OBI1: variants seen among roughly 807,000 people sequenced by gnomAD.
OBI1 encodes ORC ubiquitin ligase 1, also known as ring finger protein 219.
In OBI1, 59 loss-of-function variants were observed where a neutral mutation model predicts 62.4. That is an observed-to-expected ratio of 0.95 (90% confidence interval 0.77 to 1.17). The LOEUF (loss-of-function observed/expected upper bound fraction) is 1.17, where lower values mean the gene tolerates loss of function less well. Ranked by LOEUF, OBI1 falls within the 50% of genes most tolerant of loss-of-function variation. The pLI is 0.00. For synonymous variants in OBI1, 302 were observed against 292.8 expected (o/e 1.03, Z -0.32); for missense variants, 875 against 830.9 (o/e 1.05, Z -0.65).
intron 5 of OBI1, among the ~76,000 whole-genome samples, chr13:78,626,834 AG>A (rs1354339791): frequency 1.3e-5 from 2 of 152,224 alleles, no homozygotes; most frequent in African/African-American, 4.8e-5. Flanking sequence ...TGGGAGGCCA[AG>A]GCAGGCGGAT....
chr13:78,648,126 A>AT (rs1029735747), intron 1 of OBI1, among the ~76,000 whole-genome samples: 3 of 151,870 alleles, frequency 2.0e-5, no homozygotes, highest in African/African-American at 2.4e-5. Context: ...TGCAGGTTCT[A>AT]TTTTTTTTCT....
At chr13:78,649,018 T>C (rs1013182029) in intron 1 of OBI1, among the ~76,000 whole-genome samples, 1 of 152,130 alleles carries the variant, frequency 6.6e-6, no homozygotes, top group African/African-American at 2.4e-5. Context: ...ACTCAGTAGT[T>C]GGTGTTATCA....
At chr13:78,621,373 T>G (rs925048473) in intron 5 of OBI1, among the ~76,000 whole-genome samples, 8 of 152,222 alleles carry the variant, frequency 5.3e-5, no homozygotes, top group South Asian at 4.1e-4. Flanking sequence ...TCATGATCAG[T>G]GACCCATCAA....
intron 5 of OBI1, among the ~76,000 whole-genome samples, chr13:78,631,861 T>C (rs1321473611): frequency 6.6e-6 from 1 of 152,166 alleles, no homozygotes; most frequent in Admixed American, 6.5e-5. Flanking sequence ...AGACAAATGA[T>C]AACCAACACC....
intron 5 of OBI1, among the ~76,000 whole-genome samples, chr13:78,621,501 G>A (rs1307048611): frequency 1.3e-5 from 2 of 152,262 alleles, no homozygotes; most frequent in South Asian, 2.1e-4. Context: ...TAAAAAACCC[G>A]CATGACATTT....
chr13:78,659,099 C>T lies in OBI1; in HGVS notation c.22G>A (p.Val8Ile). The T allele has an allele frequency of 5.6e-6, 9 of 1,612,512 alleles. No individual in the cohort carries two copies. The highest frequency in any genetic ancestry group is 5.5e-5 in the South Asian group (5 of 90,902). Residue 8 changes from valine to isoleucine, a missense_variant, in exon 1 of 6, where the codon GTT (valine) becomes ATT (isoleucine). Coordinates refer to ENST00000282003, the MANE Select transcript of OBI1 (RefSeq NM_024546.4). MAQTVQNVTLSLTLPITC... is the reference protein window; with the variant it reads MAQTVQNITLSLTLPITC... ...ATGGGCAGAGTGAGCGACAATGTAACATTCTGCACGGTCTGAGCCATGGCA... is the reference window on the plus strand; with the variant it reads ...ATGGGCAGAGTGAGCGACAATGTAATATTCTGCACGGTCTGAGCCATGGCA...
intron 5 of OBI1, among the ~76,000 whole-genome samples, chr13:78,629,323 A>T (rs73537054): frequency 1.2e-3 from 188 of 152,266 alleles, no homozygotes; most frequent in African/African-American, 4.2e-3. Flanking sequence ...ATAGAAAGAA[A>T]AGCCATTAAT....
intron 5 of OBI1, among the ~76,000 whole-genome samples, chr13:78,632,563 G>A (rs1191780678): frequency 6.6e-6 from 1 of 152,162 alleles, no homozygotes; most frequent in Non-Finnish European, 1.5e-5. Context: ...GAGAAAAATA[G>A]TTAGTCAAGG....
In OBI1 at chr13:78,615,810, A is replaced by G. The variant is rs1432500148; in HGVS notation, c.1951T>C (p.Ser651Pro). 2 of 1,613,810 alleles carry G rather than the reference A, an allele frequency of 1.2e-6. No homozygotes were observed. The highest frequency in any genetic ancestry group is 3.3e-5 in the Admixed American group (2 of 59,976). ...GAACTGCTTAACAAAATGCCCTGGG[A>G]AAACTCTGTCTGAAACAAGCAGCTT... The part of the protein sequence containing the change: ...PPSCLFQTEF[S>P]QGILLSSSHR... The change falls in exon 6 of 6, where the codon TCC becomes CCC. Residue 651 changes from serine (S) to proline (P), a missense_variant. By Grantham distance (74) the Ser-to-Pro change is moderately conservative. Transcript: ENST00000282003.
Position 78,639,784 on chromosome 13 carries a change from T to C in OBI1, c.301-713A>G, listed in dbSNP as rs566397993. Among the ~76,000 whole-genome samples, 504 of 144,634 alleles carry C rather than the reference T, an allele frequency of 3.5e-3. 2 individuals carry two copies. The highest frequency in any genetic ancestry group is 5.5e-3 in the Non-Finnish European group (365 of 66,600). 94.9% of individuals were successfully genotyped at this position (144,634 alleles called of 152,430 possible). A position where few individuals can be genotyped will look rare whatever the true frequency, so the allele number is the denominator to read the frequency against. ...GCATATTCTCATTCATAGGTGGGAA[T>C]TGAACAATGAGATCACATGGACACA... On this transcript the variant is annotated intron_variant, in intron 3 of 5. Transcript: ENST00000282003.
rs762122555 is a variant in OBI1, at chr13:78,616,264, C to T, written c.1497G>A (p.Leu499=). 1 of 1,613,704 alleles carries T rather than the reference C, an allele frequency of 6.2e-7. No individual in the cohort carries two copies. The highest frequency in any genetic ancestry group is 8.5e-7 in the Non-Finnish European group (1 of 1,179,712). The stretch of plus-strand genomic sequence containing the variant: ...ATAAACATAAGCCTGATTTCTCACT[C>T]AATTTTGAAGATATTTCTCCAACAG... ...ANSVGEISSK[L]SEKSGLCLSK... The change falls in exon 6 of 6, where the codon TTG becomes TTA. Residue 499 remains leucine (L), a synonymous_variant. Transcript: ENST00000282003.
At chr13:78,644,545 C>T (rs1488120033) in intron 2 of OBI1, among the ~76,000 whole-genome samples, 3 of 152,024 alleles carry the variant, frequency 2.0e-5, no homozygotes, top group Non-Finnish European at 4.4e-5. Flanking sequence ...AAGCCCTTCT[C>T]GGTGTTCTTA....
chr13:78,657,026 C>G (rs1391116193), intron 1 of OBI1, among the ~76,000 whole-genome samples: 4 of 151,928 alleles, frequency 2.6e-5, no homozygotes, highest in African/African-American at 9.7e-5. Flanking sequence ...CTCAGGCGAT[C>G]TGCCCGCCTC....
chr13:78,630,831 G>C (rs1251385243), intron 5 of OBI1, among the ~76,000 whole-genome samples: 2 of 152,122 alleles, frequency 1.3e-5, no homozygotes, highest in Admixed American at 6.5e-5. Context: ...TTTTGTTATA[G>C]CAGCCCAAAA....
chr13:78,642,683 G>C (rs1258149190), intron 2 of OBI1, among the ~76,000 whole-genome samples: 2 of 152,176 alleles, frequency 1.3e-5, no homozygotes, highest in Non-Finnish European at 2.9e-5. Context: ...AGGAGATAGA[G>C]ACCATCCTGG....
intron 5 of OBI1, among the ~76,000 whole-genome samples, chr13:78,634,013 A>G (rs1875938305): frequency 6.6e-6 from 1 of 151,504 alleles, no homozygotes; most frequent in Admixed American, 6.6e-5. Flanking sequence ...GCCTGCAGTG[A>G]GCCGAGATCG....
intron 5 of OBI1, among the ~76,000 whole-genome samples, chr13:78,634,589 G>A (rs759921820): frequency 3.3e-5 from 5 of 152,180 alleles, no homozygotes; most frequent in African/African-American, 4.8e-5. Context: ...GAGCCACTGC[G>A]CCCCCTGGTC....
intron 5 of OBI1, among the ~76,000 whole-genome samples, chr13:78,628,905 T>G (rs1481676890): frequency 6.6e-6 from 1 of 151,764 alleles, no homozygotes; most frequent in African/African-American, 2.4e-5. Flanking sequence ...CAGGAGAGAA[T>G]GTGAGGTCAA....
At chr13:78,639,360 G>A (rs568170931) in intron 3 of OBI1, among the ~76,000 whole-genome samples, 2 of 152,090 alleles carry the variant, frequency 1.3e-5, no homozygotes, top group Non-Finnish European at 2.9e-5. Context: ...TATCATCCAG[G>A]TGGAGAAATA....
Sources: allele counts gnomAD v4.1 joint callset (sites outside exome capture counted in the v4.1 genomes callset), GRCh38; gene constraint gnomAD v4.1.1; transcripts MANE v1.5; gene names NCBI Gene and HGNC (gene_info 2026-07-23, HGNC 2026-07-21).